The following PRELID2 variants were observed in gnomAD, a reference collection of about 807,000 sequenced individuals.
PRELID2 encodes the protein PRELI domain containing 2, also known as PRELI domain-containing protein 2.
PRELID2 carries 25 observed loss-of-function variants against 28.4 expected under a neutral mutation model. That is an observed-to-expected ratio of 0.88 (90% confidence interval 0.64 to 1.23). PRELID2 has a LOEUF of 1.23. Ranked by LOEUF, PRELID2 falls within the 50% of genes most tolerant of loss-of-function variation. PRELID2 has a pLI of 0.00. For missense variants in PRELID2, 201 were observed against 214.4 expected (o/e 0.94, Z 0.39); for synonymous variants, 76 against 71.6 (o/e 1.06, Z -0.31).
At chr5:145,744,924 G>A (rs1477264546) in intron 1 of PRELID2, among the ~76,000 whole-genome samples, 1 of 152,038 alleles carries the variant, frequency 6.6e-6, no homozygotes, top group African/African-American at 2.4e-5. Context: ...TGAGCTCAAG[G>A]AGCATGTTCT....
chr5:145,755,771 G>A (rs1176360317), downstream of PRELID2, among the ~76,000 whole-genome samples: 4 of 151,874 alleles, frequency 2.6e-5, no homozygotes, highest in South Asian at 2.1e-4. Context: ...AAATCCTGCC[G>A]TATTCCTGCA....
intron 1 of PRELID2, among the ~76,000 whole-genome samples, chr5:145,614,067 G>A (rs1753660882): frequency 6.6e-6 from 1 of 152,158 alleles, no homozygotes; most frequent in South Asian, 2.1e-4. Context: ...ACCATTTGTT[G>A]AAAAGGATGT....
At chr5:145,345,439 C>T in the PRELID2 span, among the ~76,000 whole-genome samples, 1 of 151,932 alleles carries the variant, frequency 6.6e-6, no homozygotes, top group Non-Finnish European at 1.5e-5. Context: ...CCCACAAACT[C>T]AAAATGTTCC....
the PRELID2 span, among the ~76,000 whole-genome samples, chr5:145,393,905 C>T: frequency 9.9e-5 from 15 of 152,250 alleles, no homozygotes; most frequent in African/African-American, 3.6e-4. Context: ...CATTTGCAGA[C>T]ATACATTAAA....
chr5:145,697,707 T>C (rs148662050), intron 1 of PRELID2, among the ~76,000 whole-genome samples: 30 of 152,232 alleles, frequency 2.0e-4, no homozygotes, highest in African/African-American at 6.7e-4. Flanking sequence ...TTGGGGGAAA[T>C]TGTCATAAAT....
At chr5:145,278,910 T>G in the PRELID2 span, among the ~76,000 whole-genome samples, 1 of 152,128 alleles carries the variant, frequency 6.6e-6, no homozygotes, top group African/African-American at 2.4e-5. Flanking sequence ...TAAGAGTAAT[T>G]ATTCTGAGGA....
chr5:145,763,275 C>T (rs1024136412), intron 6 of PRELID2, among the ~76,000 whole-genome samples: 5 of 152,096 alleles, frequency 3.3e-5, no homozygotes, highest in Non-Finnish European at 7.4e-5. Context: ...ATATGCTAGC[C>T]GAGAAAACCA....
At chr5:145,627,122 AAAAAAAAAAAAAAAAAAAAAAAAAT>A in intron 1 of PRELID2, among the ~76,000 whole-genome samples, 2 of 106,904 alleles carry the variant, frequency 1.9e-5, no homozygotes, top group Admixed American at 1.1e-4. Context: ...AAAAAAAAAA[AAAAAAAAAAAAAAAAAAAAAAAAAT>A]TTGTGTATAT....
chr5:145,697,343 G>C (rs1755302739), intron 1 of PRELID2, among the ~76,000 whole-genome samples: 3 of 151,802 alleles, frequency 2.0e-5, no homozygotes, highest in Admixed American at 2.0e-4. Flanking sequence ...TCACAGGTGA[G>C]CAAACTCAAC....
intron 6 of PRELID2, among the ~76,000 whole-genome samples, chr5:145,762,872 A>T (rs338889): frequency 6.6e-6 from 1 of 152,058 alleles, no homozygotes; most frequent in African/African-American, 2.4e-5. Flanking sequence ...TTTCTCAGTG[A>T]CCTGGCATTT....
intron 4 of PRELID2, among the ~76,000 whole-genome samples, chr5:145,810,484 A>C (rs748496360): frequency 9.2e-5 from 14 of 152,194 alleles, no homozygotes; most frequent in Non-Finnish European, 1.9e-4. Context: ...CCGAAACTAA[A>C]ATACAAGTTT....
chr5:145,465,470 G>T, the PRELID2 span, among the ~76,000 whole-genome samples: 1 of 152,122 alleles, frequency 6.6e-6, no homozygotes, highest in Non-Finnish European at 1.5e-5. Context: ...TCATAGTCAT[G>T]GTGAAGATGA....
chr5:145,408,816 C>G, the PRELID2 span, among the ~76,000 whole-genome samples: 256 of 152,162 alleles, frequency 1.7e-3, 4 homozygotes, highest in East Asian at 0.039. Context: ...TTGAGGAAAA[C>G]CTTCCTGATC....
intron 1 of PRELID2, among the ~76,000 whole-genome samples, chr5:145,724,705 T>C (rs1201781503): frequency 1.2e-4 from 17 of 138,734 alleles, no homozygotes; most frequent in Admixed American, 7.0e-4. Flanking sequence ...AATGTATGTG[T>C]ATACATATTA....
At chr5:145,411,597 G>A in the PRELID2 span, among the ~76,000 whole-genome samples, 39 of 152,216 alleles carry the variant, frequency 2.6e-4, no homozygotes, top group Non-Finnish European at 4.1e-4. Context: ...AGTGTCTGCA[G>A]CTTTTCCAGG....
chr5:145,632,917 G>C (rs1364677362), intron 1 of PRELID2, among the ~76,000 whole-genome samples: 1 of 152,206 alleles, frequency 6.6e-6, no homozygotes, highest in Non-Finnish European at 1.5e-5. Context: ...AAGTGAGACA[G>C]AAATCTGCTC....
chr5:145,524,685 A>G (rs539734872), intron 1 of PRELID2, among the ~76,000 whole-genome samples: 4 of 152,280 alleles, frequency 2.6e-5, no homozygotes, highest in Admixed American at 2.6e-4. Flanking sequence ...GAAAGTGCAT[A>G]AACCCACAAA....
chr5:145,787,781 T>C (rs1752097906), intron 5 of PRELID2, among the ~76,000 whole-genome samples: 1 of 152,094 alleles, frequency 6.6e-6, no homozygotes, highest in Admixed American at 6.6e-5. Flanking sequence ...GCTCAAGTGA[T>C]CCTCCCACTT....
chr5:145,718,016 C>T (rs1755888820), intron 1 of PRELID2, among the ~76,000 whole-genome samples: 1 of 151,816 alleles, frequency 6.6e-6, no homozygotes, highest in African/African-American at 2.4e-5. Flanking sequence ...TGGAGAGTGA[C>T]AGTAAGGATA....
Sources: gnomAD v4.1 joint callset for allele counts (sites outside exome capture counted in the v4.1 genomes callset) on GRCh38, gnomAD v4.1.1 for gene constraint, MANE v1.5 for transcripts, NCBI Gene and HGNC (gene_info 2026-07-23, HGNC 2026-07-21) for gene names.